The following KAZN variants were observed in gnomAD, a reference collection of about 807,000 sequenced individuals.
The protein encoded by KAZN is kazrin.
KAZN carries 40 observed loss-of-function variants against 87.4 expected under a neutral mutation model. That is an observed-to-expected ratio of 0.46 (90% confidence interval 0.36 to 0.60). KAZN has a LOEUF of 0.60. Ranked by LOEUF, KAZN falls within the 20% of genes least tolerant of loss-of-function variation. KAZN has a pLI of 0.00. For synonymous variants in KAZN, 466 were observed against 458.3 expected (o/e 1.02, Z -0.22); for missense variants, 898 against 1,073.9 (o/e 0.84, Z 2.29).
intron 1 of KAZN, among the ~76,000 whole-genome samples, chr1:14,701,949 C>T (rs778836206): frequency 1.3e-5 from 2 of 152,166 alleles, no homozygotes; most frequent in African/African-American, 2.4e-5. Flanking sequence ...ATCTCTGCCT[C>T]CCTGATTGTC....
At chr1:14,626,957 A>T (rs1249419042) in intron 1 of KAZN, among the ~76,000 whole-genome samples, 1 of 152,062 alleles carries the variant, frequency 6.6e-6, no homozygotes, top group African/African-American at 2.4e-5. Context: ...GTGCCCCTTT[A>T]GCACTCTGAA....
At chr1:13,929,793 T>G (rs1212463721) in intron 1 of KAZN, among the ~76,000 whole-genome samples, 1 of 152,174 alleles carries the variant, frequency 6.6e-6, no homozygotes, top group African/African-American at 2.4e-5. Flanking sequence ...ACAGGTAGAA[T>G]GTATTAAGTG....
chr1:15,110,863 G>A (rs1641584167), intron 13 of KAZN, among the ~76,000 whole-genome samples: 2 of 152,222 alleles, frequency 1.3e-5, no homozygotes, highest in Admixed American at 6.5e-5. Context: ...GAAAATAAGA[G>A]ATGGGACCCT....
chr1:13,948,960 G>A (rs1349717962), intron 1 of KAZN, among the ~76,000 whole-genome samples: 1 of 152,154 alleles, frequency 6.6e-6, no homozygotes. Context: ...GACTCAAGAT[G>A]CATGACTCAG....
chr1:15,054,799 C>T (rs188257029), intron 4 of KAZN, among the ~76,000 whole-genome samples: 5 of 152,378 alleles, frequency 3.3e-5, no homozygotes, highest in African/African-American at 9.6e-5. Flanking sequence ...AAAGAGGTCT[C>T]AGACACTGGG....
At chr1:14,667,757 TA>T (rs1357885475) in intron 1 of KAZN, among the ~76,000 whole-genome samples, 3 of 150,474 alleles carry the variant, frequency 2.0e-5, no homozygotes, top group Non-Finnish European at 2.9e-5. Flanking sequence ...TTGACCCGGA[TA>T]ACTGCTGGCT....
At chr1:14,035,782 C>T (rs1193074447) in intron 1 of KAZN, among the ~76,000 whole-genome samples, 1 of 151,938 alleles carries the variant, frequency 6.6e-6, no homozygotes, top group Non-Finnish European at 1.5e-5. Context: ...GCCTGTTTTG[C>T]CATTCCTGTA....
At chr1:14,419,180 TATAC>T (rs1204900868) in intron 2 of KAZN, among the ~76,000 whole-genome samples, 3 of 152,214 alleles carry the variant, frequency 2.0e-5, no homozygotes, top group Admixed American at 2.0e-4. Context: ...AAATATACCT[TATAC>T]ATAGTCTTTG....
Position 14,258,218 on chromosome 1 carries a change from C to CTTTCT in KAZN, c.249+77629_249+77630insCTTTT, listed in dbSNP as rs539198790. 8.0e-3 allele frequency among the ~76,000 whole-genome samples: 1,015 copies of CTTTCT among 126,402 alleles called. 10 individuals carry two copies. The highest frequency in any genetic ancestry group is 0.027 in the African/African-American group (898 of 33,138). The allele number at this position is 126,402 out of a possible 152,430, so 82.9% of individuals were successfully genotyped here. On this transcript the variant is annotated intron_variant, in intron 2 of 16. Coordinates refer to the KAZN transcript ENST00000636203. ...AGATTCTTTCTTTCTTTCTTTCTTTCTTTTTTTTTTTTTTTGAGACAGAGT... is the reference window on the plus strand; with the variant it reads ...AGATTCTTTCTTTCTTTCTTTCTTTCTTTCTTTTTTTTTTTTTTTTGAGACAGAGT...
upstream of KAZN, among the ~76,000 whole-genome samples, chr1:14,594,262 G>A (rs1676360331): frequency 6.6e-6 from 1 of 152,204 alleles, no homozygotes; most frequent in Non-Finnish European, 1.5e-5. Context: ...AAAGGGAGGT[G>A]CATACGGCTG....
At chr1:14,798,160 C>G (rs897910314) in intron 1 of KAZN, among the ~76,000 whole-genome samples, 1 of 152,152 alleles carries the variant, frequency 6.6e-6, no homozygotes, top group Non-Finnish European at 1.5e-5. Context: ...TTTTGGGTCA[C>G]CTGCTCCATG....
intron 2 of KAZN, among the ~76,000 whole-genome samples, chr1:14,344,163 C>A (rs370116144): frequency 8.2e-6 from 1 of 122,636 alleles, no homozygotes; most frequent in Non-Finnish European, 1.7e-5. Flanking sequence ...TTCATGTATT[C>A]TTTTTTTTTT....
intron 8 of KAZN, among the ~76,000 whole-genome samples, chr1:15,068,898 C>T (rs1217200218): frequency 1.3e-5 from 2 of 152,052 alleles, no homozygotes; most frequent in East Asian, 1.9e-4. Flanking sequence ...GACACGATGC[C>T]GAGGTGAAAA....
At chr1:15,011,627 T>C (rs1423736922) in intron 2 of KAZN, among the ~76,000 whole-genome samples, 1 of 152,224 alleles carries the variant, frequency 6.6e-6, no homozygotes, top group East Asian at 1.9e-4. Flanking sequence ...TTTGTTTCTG[T>C]GCTAGCAGGG....
intron 2 of KAZN, among the ~76,000 whole-genome samples, chr1:14,198,480 A>G (rs1404734453): frequency 6.6e-6 from 1 of 152,144 alleles, no homozygotes; most frequent in Non-Finnish European, 1.5e-5. Context: ...CATGCCTGTA[A>G]TCTCAGCTAC....
intron 2 of KAZN, among the ~76,000 whole-genome samples, chr1:14,390,991 C>CA (rs1488293530): frequency 6.6e-6 from 1 of 152,236 alleles, no homozygotes; most frequent in Non-Finnish European, 1.5e-5. Context: ...GGCTTCGACT[C>CA]AGAGTGAGGT....
intron 1 of KAZN, among the ~76,000 whole-genome samples, chr1:14,048,960 A>T (rs1237179619): frequency 6.6e-6 from 1 of 152,194 alleles, no homozygotes; most frequent in South Asian, 2.1e-4. Flanking sequence ...AATGATCGCC[A>T]TTCTAACTGG....
At chr1:14,470,352 G>A (rs1343072873) in intron 2 of KAZN, among the ~76,000 whole-genome samples, 1 of 152,186 alleles carries the variant, frequency 6.6e-6, no homozygotes, top group East Asian at 1.9e-4. Flanking sequence ...GGGGAAGGTA[G>A]TAAAAGGTGT....
chr1:14,766,797 C>G (rs1300576602), intron 1 of KAZN, among the ~76,000 whole-genome samples: 1 of 151,556 alleles, frequency 6.6e-6, no homozygotes, highest in Admixed American at 6.6e-5. Context: ...ACTGGAGATA[C>G]CACTGGTTCC....
Sources: allele counts gnomAD v4.1 joint callset (sites outside exome capture counted in the v4.1 genomes callset), GRCh38; gene constraint gnomAD v4.1.1; transcripts MANE v1.5; gene names NCBI Gene and HGNC (gene_info 2026-07-23, HGNC 2026-07-21).